The following DOCK3 variants were observed in gnomAD, a reference collection of about 807,000 sequenced individuals.
DOCK3 encodes the protein dedicator of cytokinesis protein 3.
Under a neutral mutation model 265.6 loss-of-function variants are expected in DOCK3, and 60 were observed. The ratio of observed to expected loss-of-function variants is 0.23; its 90% CI spans 0.18 to 0.28. DOCK3 has a LOEUF of 0.28. Among genes scored for constraint, DOCK3 ranks in the 10% least tolerant of loss-of-function variants. The probability of loss-of-function intolerance (pLI) is 1.00; values close to 1 mark genes in which losing one functional copy is unlikely to be tolerated. For missense variants in DOCK3, 1,981 were observed against 2,594.3 expected (o/e 0.76, Z 5.14); for synonymous variants, 881 against 938.0 (o/e 0.94, Z 1.11).
At chr3:50,881,879 C>T (rs1021792080) in intron 3 of DOCK3, among the ~76,000 whole-genome samples, 1 of 152,176 alleles carries the variant, frequency 6.6e-6, no homozygotes, top group South Asian at 2.1e-4. Flanking sequence ...TACAAGTCTA[C>T]AGTAACCAAC....
intron 1 of DOCK3, among the ~76,000 whole-genome samples, chr3:50,775,695 G>A (rs1219354579): frequency 1.3e-5 from 2 of 151,910 alleles, no homozygotes; most frequent in Non-Finnish European, 2.9e-5. Flanking sequence ...CCTGTTACCC[G>A]AGCAGTGTAC....
At chr3:50,925,824 C>CTGTTTTTTTTTTTTTTTTTTTTTTTTT (rs2050725276) in intron 4 of DOCK3, among the ~76,000 whole-genome samples, 1 of 88,424 alleles carries the variant, frequency 1.1e-5, no homozygotes, top group Admixed American at 1.1e-4. Flanking sequence ...TAAAACTAGT[C>CTGTTTTTTTTTTTTTTTTTTTTTTTTT]TTTTTTTTTT....
intron 5 of DOCK3, among the ~76,000 whole-genome samples, chr3:50,979,541 G>A (rs867750994): frequency 4.6e-5 from 7 of 152,130 alleles, no homozygotes; most frequent in Non-Finnish European, 8.8e-5. Context: ...ATCTCTGGCT[G>A]TGTCACACTT....
intron 27 of DOCK3, among the ~76,000 whole-genome samples, chr3:51,289,881 A>C (rs1349666232): frequency 6.6e-6 from 1 of 152,264 alleles, no homozygotes; most frequent in African/African-American, 2.4e-5. Context: ...GAAGGATATG[A>C]ACAGACACTT....
At chr3:51,011,439 G>A (rs9681429) in intron 5 of DOCK3, among the ~76,000 whole-genome samples, 125,375 of 152,202 alleles carry the variant, frequency 0.82, 52,276 homozygotes, top group East Asian at 0.95. Context: ...TTGTGCATTC[G>A]TCACATAGTT....
intron 8 of DOCK3, 134 bp from the exon 9 acceptor site, chr3:51,090,096 G>C (rs34684795): frequency 0.033 from 34,692 of 1,066,938 alleles, 698 homozygotes; most frequent in Non-Finnish European, 0.04. Flanking sequence ...TACAAGCAGA[G>C]AAAACATCTT....
At chr3:51,052,425 G>C (rs2081028403) in intron 5 of DOCK3, among the ~76,000 whole-genome samples, 1 of 152,102 alleles carries the variant, frequency 6.6e-6, no homozygotes, top group South Asian at 2.1e-4. Flanking sequence ...ACTGGAGCCT[G>C]GGAAGTTAAG....
intron 5 of DOCK3, among the ~76,000 whole-genome samples, chr3:51,015,994 A>ATG (rs372042453): frequency 0.021 from 72 of 3,350 alleles, 1 homozygote; most frequent in Admixed American, 0.048. Context: ...ATTTCTACAT[A>ATG]ATATATATAT....
chr3:51,075,375 G>T lies in DOCK3; in HGVS notation c.484G>T (p.Val162Leu), dbSNP rs1238801326. Residue 162 changes from valine to leucine, a missense_variant, in exon 7 of 53, where the codon GTG becomes TTG. Coordinates refer to ENST00000266037, the MANE Select transcript of DOCK3 (RefSeq NM_004947.5). Reference sequence around the variant, plus strand: ...TACTAGACATTTGGGCCTGGACCTGGTGCCTCGGAAGGACTTTGAAGTAGT... The same window carrying T: ...TACTAGACATTTGGGCCTGGACCTGTTGCCTCGGAAGGACTTTGAAGTAGT... ...WGNEHLGLDL[V>L]PRKDFEVVDS... The T allele has an allele frequency of 2.5e-6, 4 of 1,611,140 alleles. No homozygotes were observed. The highest frequency in any genetic ancestry group is 3.4e-6 in the Non-Finnish European group (4 of 1,178,788).
At chr3:50,807,974 C>T (rs977937988) in intron 2 of DOCK3, among the ~76,000 whole-genome samples, 2 of 152,192 alleles carry the variant, frequency 1.3e-5, no homozygotes, top group African/African-American at 4.8e-5. Context: ...TGGTCTCAAG[C>T]AGTCCTCCCA....
chr3:51,288,539 T>G (rs1286968349), intron 27 of DOCK3, among the ~76,000 whole-genome samples: 1 of 151,968 alleles, frequency 6.6e-6, no homozygotes, highest in African/African-American at 2.4e-5. Context: ...ACACCAAACC[T>G]CCATGATGCT....
intron 2 of DOCK3, among the ~76,000 whole-genome samples, chr3:50,840,681 G>C (rs1446109557): frequency 6.6e-6 from 1 of 152,162 alleles, no homozygotes; most frequent in Non-Finnish European, 1.5e-5. Flanking sequence ...ACCTCATGAT[G>C]TCATTTTCTG....
chr3:51,171,098 T>C (rs1412722223), intron 12 of DOCK3, among the ~76,000 whole-genome samples: 1 of 152,196 alleles, frequency 6.6e-6, no homozygotes, highest in Non-Finnish European at 1.5e-5. Context: ...ACTTTGAGCT[T>C]AGTTTGCTAT....
intron 1 of DOCK3, among the ~76,000 whole-genome samples, chr3:50,769,413 C>T (rs1306103198): frequency 6.6e-6 from 1 of 152,072 alleles, no homozygotes; most frequent in African/African-American, 2.4e-5. Flanking sequence ...ATATGACAAA[C>T]CCATAGCTAA....
intron 5 of DOCK3, among the ~76,000 whole-genome samples, chr3:50,940,428 T>C (rs2076260389): frequency 6.6e-6 from 1 of 152,072 alleles, no homozygotes; most frequent in Admixed American, 6.5e-5. Context: ...GGCAGTATGC[T>C]CACGGATTAG....
chr3:50,774,435 GATTT>G (rs2041469463), intron 1 of DOCK3, among the ~76,000 whole-genome samples: 1 of 151,758 alleles, frequency 6.6e-6, no homozygotes, highest in Admixed American at 6.6e-5. Context: ...TGTCTCATTA[GATTT>G]ATTTCCAGTT....
At chr3:51,130,806 C>T (rs1411377090) in intron 9 of DOCK3, among the ~76,000 whole-genome samples, 2 of 152,166 alleles carry the variant, frequency 1.3e-5, no homozygotes, top group Non-Finnish European at 2.9e-5. Flanking sequence ...CTTCTAAGCT[C>T]AAGCAATTCT....
intron 24 of DOCK3, among the ~76,000 whole-genome samples, chr3:51,272,913 C>T (rs2080588465): frequency 6.6e-6 from 1 of 151,848 alleles, no homozygotes; most frequent in Non-Finnish European, 1.5e-5. Flanking sequence ...GCCTGTAATC[C>T]CAGCACTTTG....
intron 12 of DOCK3, among the ~76,000 whole-genome samples, chr3:51,171,362 GT>G (rs2086671093): frequency 6.6e-6 from 1 of 152,050 alleles, no homozygotes; most frequent in Admixed American, 6.6e-5. Flanking sequence ...CTGATGTCTG[GT>G]TTCATACCAT....
Sources: allele counts gnomAD v4.1 joint callset (sites outside exome capture counted in the v4.1 genomes callset), GRCh38; gene constraint gnomAD v4.1.1; transcripts MANE v1.5; gene names NCBI Gene and HGNC (gene_info 2026-07-23, HGNC 2026-07-21).